SLC22A14: variants seen among roughly 807,000 people sequenced by gnomAD.
SLC22A14 encodes solute carrier family 22 member 14.
SLC22A14 carries 50 observed loss-of-function variants against 53.9 expected under a neutral mutation model. The observed-to-expected ratio is 0.93, with a 90% CI of 0.74 to 1.17. The LOEUF (loss-of-function observed/expected upper bound fraction) is 1.17, where lower values mean the gene tolerates loss of function less well. Ranked by LOEUF, SLC22A14 falls within the 50% of genes most tolerant of loss-of-function variation. SLC22A14 has a pLI of 0.00. For missense variants in SLC22A14, 671 were observed against 734.7 expected (o/e 0.91, Z 1.00); for synonymous variants, 312 against 303.0 (o/e 1.03, Z -0.31).
intron 7 of SLC22A14, 120 bp downstream of exon 7, chr3:38,313,605 C>A: frequency 1.1e-6 from 1 of 938,852 alleles, no homozygotes; most frequent in Non-Finnish European, 1.7e-6. Flanking sequence ...GATCACAGGT[C>A]TCTGTGCTTA....
At chr3:38,303,613 A>G (rs1290584575) in intron 1 of SLC22A14, among the ~76,000 whole-genome samples, 2 of 152,066 alleles carry the variant, frequency 1.3e-5, no homozygotes, top group Non-Finnish European at 2.9e-5. Context: ...TAAGATATAA[A>G]TTCTTCTCCA....
chr3:38,299,787 C>T (rs936500561), intron 1 of SLC22A14, among the ~76,000 whole-genome samples: 11 of 152,128 alleles, frequency 7.2e-5, no homozygotes, highest in Admixed American at 7.2e-4. Flanking sequence ...GTGTTGAATT[C>T]CTGGGCTCAA....
chr3:38,281,226 A>G (rs1180518907), upstream of SLC22A14, among the ~76,000 whole-genome samples: 2 of 152,218 alleles, frequency 1.3e-5, no homozygotes, highest in East Asian at 3.8e-4. Context: ...AGATTGAGCC[A>G]TAGGAAACTG....
At chr3:38,280,630 TC>T (rs1157088122), upstream of SLC22A14, among the ~76,000 whole-genome samples, 1 of 136,536 alleles carries the variant, frequency 7.3e-6, no homozygotes, top group East Asian at 2.1e-4. Flanking sequence ...AGTTCTGGGA[TC>T]TTTTTTTTTT....
At chr3:38,285,491 T>A (rs1314831184) in intron 1 of SLC22A14, among the ~76,000 whole-genome samples, 1 of 152,214 alleles carries the variant, frequency 6.6e-6, no homozygotes, top group East Asian at 1.9e-4. Flanking sequence ...TTTTATTGCA[T>A]GACATACTGA....
chr3:38,297,219 A>G (rs1704059633), intron 1 of SLC22A14, among the ~76,000 whole-genome samples: 1 of 152,174 alleles, frequency 6.6e-6, no homozygotes, highest in South Asian at 2.1e-4. Context: ...TTGGTCAGGT[A>G]TGAGCTAAGT....
intron 1 of SLC22A14, chr3:38,303,704 T>A (rs1192130499): frequency 6.6e-6 from 1 of 152,184 alleles, no homozygotes; most frequent in Non-Finnish European, 1.5e-5. Flanking sequence ...TTCCCATTTT[T>A]ACCACTCATT....
chr3:38,308,118 AAG>A (rs1704361258), intron 4 of SLC22A14: 2 of 156,446 alleles, frequency 1.3e-5, no homozygotes, highest in African/African-American at 2.4e-5. Context: ...GGCCAGGCAA[AAG>A]AAAAAACAAC....
chr3:38,307,737 A>G lies in SLC22A14; in HGVS notation c.775+17A>G, dbSNP rs201709407. 1.1e-5 allele frequency: 17 copies of G among 1,613,554 alleles called. No homozygotes were observed. The highest frequency in any genetic ancestry group is 1.3e-5 in the African/African-American group (1 of 75,016). On this transcript the variant is annotated intron_variant, in intron 4 of 10. Transcript: ENST00000448498. The surrounding 1 kb of genome is among the most constrained non-coding windows in gnomAD (Gnocchi z 4.4). Reference sequence around the variant, plus strand: ...TTTCTTTGGGTGAGACTGGGCCTCAATGGGGCAGGGCAGGGTGGCACAGGG... The same window carrying G: ...TTTCTTTGGGTGAGACTGGGCCTCAGTGGGGCAGGGCAGGGTGGCACAGGG...
rs1046729821 is a variant in SLC22A14, at chr3:38,284,489, C to A, written c.-1+2150C>A. ...CAGGCAAGGGCCCCTGGTGTCCCAG[C>A]CAAGGCCCGTCCTCTAAAGAATTCT... On this transcript the variant is annotated intron_variant, in intron 1 of 10. Transcript: ENST00000448498. 3.9e-5 allele frequency among the ~76,000 whole-genome samples: 6 copies of A among 152,226 alleles called. No homozygotes were observed. The South Asian group carries it at 1.0e-3, about 26-fold the overall frequency.
chr3:38,313,938 G>C lies in SLC22A14; in HGVS notation c.1375G>C (p.Glu459Gln). 6.2e-7 allele frequency: 1 copy of C among 1,613,182 alleles called. No homozygotes were observed. Among genetic ancestry groups the C allele is most frequent in the Non-Finnish European group, 8.5e-7 (1 of 1,179,648 alleles). Residue 459 changes from glutamate to glutamine, a missense_variant, in exon 8 of 11, where the codon GAA becomes CAA. Coordinates refer to ENST00000448498, the MANE Select transcript of SLC22A14 (RefSeq NM_001320033.2). ...GTGCTTGCTTCTCCTTTTCCTCCCT[G>C]AAGGTACAGCTCATCCTTCCCCTGT... ...IWCLLLLFLP[E>Q]GEDGLRLKWP...
intron 1 of SLC22A14, among the ~76,000 whole-genome samples, chr3:38,300,066 C>T (rs1704126765): frequency 1.3e-5 from 2 of 152,166 alleles, no homozygotes; most frequent in South Asian, 2.1e-4. Context: ...TAAGTGTATA[C>T]ATAGTTTTTT....
chr3:38,285,781 C>G (rs180735900), intron 1 of SLC22A14, among the ~76,000 whole-genome samples: 1 of 152,244 alleles, frequency 6.6e-6, no homozygotes, highest in African/African-American at 2.4e-5. Context: ...ACAAATGGCT[C>G]CCTAGAGTAT....
At position 38,313,691 on chromosome 3, in the gene SLC22A14, C is replaced by CGCGCGT. The variant is rs770295334; in HGVS notation, c.1164-35_1164-34insCGCGTG. ...ATTCCTGGCTCCGTGTGTGTGCGCG[C>CGCGCGT]GTGTGCACGCGCACTTGCCTCCTGG... On this transcript the variant is annotated intron_variant, in intron 7 of 10. Coordinates refer to ENST00000448498, the MANE Select transcript of SLC22A14 (RefSeq NM_001320033.2). 2.7e-5 allele frequency: 25 copies of CGCGCGT among 940,928 alleles called. 1 individual carries two copies. Among genetic ancestry groups the CGCGCGT allele is most frequent in the East Asian group, 6.9e-5 (2 of 29,142 alleles). 58.3% of individuals were successfully genotyped at this position (940,928 alleles called of 1,614,324 possible). A position where few individuals can be genotyped will look rare whatever the true frequency, so the allele number is the denominator to read the frequency against.
chr3:38,312,473 T>C lies in SLC22A14; in HGVS notation c.945-526T>C, dbSNP rs552042004. Among the ~76,000 whole-genome samples, 42 of 152,006 alleles carry C rather than the reference T, an allele frequency of 2.8e-4. No homozygotes were observed. The Middle Eastern group carries it at 0.01, about 37-fold the overall frequency. The stretch of plus-strand genomic sequence containing the variant: ...CAATAGAGATGTGGCGGGGGAGAGA[T>C]GGGACAGAGTAGAGACCTTCACTCA... On this transcript the variant is annotated intron_variant, in intron 5 of 10. Coordinates refer to ENST00000448498, the MANE Select transcript of SLC22A14 (RefSeq NM_001320033.2).
intron 4 of SLC22A14, chr3:38,308,146 A>G (rs1349983693): frequency 1.3e-4 from 20 of 158,150 alleles, no homozygotes; most frequent in Non-Finnish European, 2.1e-4. Context: ...ACAGAAGAAG[A>G]AGGAGGAGGA....
rs1704625422 is a variant in SLC22A14, at chr3:38,316,490, C to G, written c.1699C>G (p.Leu567Val). ...SLLPETRDQP[L>V]SESLNHSSQI... is the part of the protein sequence containing the mutation. ...GCTGCCGGAAACGCGAGATCAGCCC[C>G]TCTCCGAGAGCCTGAACCACTCCTC... Residue 567 changes from leucine (L) to valine (V), a missense_variant, in exon 10 of 11, where the codon CTC (leucine) becomes GTC (valine). By Grantham distance (32) the Leu-to-Val change is conservative. Coordinates refer to ENST00000448498, the MANE Select transcript of SLC22A14 (RefSeq NM_001320033.2). The G allele has an allele frequency of 1.2e-6, 2 of 1,614,148 alleles. No individual in the cohort carries two copies. Among genetic ancestry groups the G allele is most frequent in the Non-Finnish European group, 1.7e-6 (2 of 1,179,982 alleles).
chr3:38,282,502 G>C (rs1703693362), intron 1 of SLC22A14, among the ~76,000 whole-genome samples, 163 bp downstream of exon 1: 5 of 152,202 alleles, frequency 3.3e-5, no homozygotes, highest in Non-Finnish European at 1.5e-5. Context: ...GGAATCTGTG[G>C]AAGGAGCGGG....
chr3:38,306,822 CT>C (rs952204765), intron 2 of SLC22A14, among the ~76,000 whole-genome samples: 6 of 152,184 alleles, frequency 3.9e-5, no homozygotes, highest in African/African-American at 1.4e-4. Context: ...GACCTCAGAA[CT>C]CACAAAAAAT....
Sources: allele counts gnomAD v4.1 joint callset (sites outside exome capture counted in the v4.1 genomes callset), GRCh38; gene constraint gnomAD v4.1.1; non-coding constraint Gnocchi (gnomAD v3.1); transcripts MANE v1.5; gene names NCBI Gene and HGNC (gene_info 2026-07-23, HGNC 2026-07-21).